The following NPIPB11 variants were observed in gnomAD, a reference collection of about 807,000 sequenced individuals.
NPIPB11 encodes the protein nuclear pore complex interacting protein family member B11, also known as nuclear pore complex-interacting protein family member B11.
In NPIPB11, 17 loss-of-function variants were observed where a neutral mutation model predicts 32.8. That is an observed-to-expected ratio of 0.52 (90% confidence interval 0.35 to 0.78). NPIPB11 has a LOEUF of 0.78. Among genes scored for constraint, NPIPB11 ranks in the 30% least tolerant of loss-of-function variants. The pLI is 0.01. For synonymous variants in NPIPB11, 209 were observed against 398.4 expected (o/e 0.52, Z 5.66); for missense variants, 537 against 1,000.4 (o/e 0.54, Z 6.25).
chr16:29,402,977 T>G (rs921462496), intron 2 of NPIPB11, among the ~76,000 whole-genome samples: 1 of 150,326 alleles, frequency 6.7e-6, no homozygotes, highest in Non-Finnish European at 1.5e-5. Flanking sequence ...TTCAAAATTA[T>G]AGAACATATA....
chr16:29,404,690 C>T (rs1366712831), upstream of NPIPB11, among the ~76,000 whole-genome samples: 2 of 151,718 alleles, frequency 1.3e-5, no homozygotes, highest in East Asian at 1.9e-4. Context: ...TCTCAGTGCT[C>T]ACCTAAGGGC....
At chr16:29,399,906 G>C (rs561862213) in intron 2 of NPIPB11, among the ~76,000 whole-genome samples, 3 of 151,646 alleles carry the variant, frequency 2.0e-5, no homozygotes, top group South Asian at 4.2e-4. Context: ...GTGAAACCCC[G>C]TCTCTACTAA....
upstream of NPIPB11, among the ~76,000 whole-genome samples, chr16:29,405,131 C>T (rs1035500478): frequency 6.6e-6 from 1 of 151,676 alleles, no homozygotes; most frequent in African/African-American, 2.4e-5. Flanking sequence ...TCTTGGAAAC[C>T]TCTAACTGTG....
At chr16:29,405,429 C>T (rs1964092696), upstream of NPIPB11, among the ~76,000 whole-genome samples, 1 of 152,174 alleles carries the variant, frequency 6.6e-6, no homozygotes, top group South Asian at 2.1e-4. Flanking sequence ...ATGCAACTCA[C>T]ATTCTTATAC....
chr16:29,392,665 A>C (rs1420231864), intron 3 of NPIPB11, among the ~76,000 whole-genome samples: 1 of 150,762 alleles, frequency 6.6e-6, no homozygotes, highest in Admixed American at 6.6e-5. Flanking sequence ...AGCCGAGGTC[A>C]CACCATTATA....
intron 2 of NPIPB11, among the ~76,000 whole-genome samples, chr16:29,399,739 C>T: frequency 6.6e-6 from 1 of 151,510 alleles, no homozygotes; most frequent in East Asian, 2.0e-4. Flanking sequence ...ACAGGGTTAA[C>T]AAAACTATGG....
At chr16:29,402,011 A>T (rs935852599) in intron 2 of NPIPB11, among the ~76,000 whole-genome samples, 3 of 151,548 alleles carry the variant, frequency 2.0e-5, no homozygotes, top group African/African-American at 7.3e-5. Context: ...CTGCCGTCAG[A>T]ACATGAACTG....
upstream of NPIPB11, among the ~76,000 whole-genome samples, chr16:29,405,599 C>T (rs1964096936): frequency 6.6e-6 from 1 of 152,134 alleles, no homozygotes; most frequent in Non-Finnish European, 1.5e-5. Flanking sequence ...AGCACTCTGT[C>T]CAATGTCACA....
intron 2 of NPIPB11, among the ~76,000 whole-genome samples, chr16:29,397,881 T>A (rs1358920700): frequency 1.4e-5 from 1 of 72,544 alleles, no homozygotes; most frequent in Non-Finnish European, 2.4e-5. Context: ...AAGGATCCGG[T>A]TCAAATTAAG....
At chr16:29,397,502 A>T (rs1257430962) in intron 2 of NPIPB11, 1 of 1,456,032 alleles carries the variant, frequency 6.9e-7, no homozygotes, top group East Asian at 2.9e-5. Context: ...TGAGCTGTGT[A>T]ATTTCATGCC....
upstream of NPIPB11, among the ~76,000 whole-genome samples, chr16:29,404,638 G>C (rs1240663382): frequency 9.9e-5 from 15 of 150,814 alleles, no homozygotes; most frequent in Admixed American, 1.0e-3. Context: ...ATAGGTCCAA[G>C]ACTGGGTAGT....
Position 29,390,474 on chromosome 16 carries a change from G to A in NPIPB11, c.250-126C>T, listed in dbSNP as rs1963690454. The A allele has an allele frequency of 3.5e-5, 51 of 1,453,652 alleles. 1 individual carries two copies. The South Asian group carries it at 5.4e-4, about 15-fold the overall frequency. The allele number at this position is 1,453,652 out of a possible 1,614,324, so 90.0% of individuals were successfully genotyped here. ...GCAAGACCAGCCTGGCCAAGATGGT[G>A]AAACCCCATCTCTACTAAAAATACA... On this transcript the variant is annotated intron_variant, in intron 3 of 7. Transcript: ENST00000524087.
At chr16:29,396,179 TC>T (rs1963848280) in intron 2 of NPIPB11, among the ~76,000 whole-genome samples, 1 of 151,310 alleles carries the variant, frequency 6.6e-6, no homozygotes, top group Non-Finnish European at 1.5e-5. Context: ...TGAAAACATC[TC>T]AATTTTAAAT....
intron 5 of NPIPB11, among the ~76,000 whole-genome samples, chr16:29,389,084 A>G (rs1963640209): frequency 2.0e-5 from 3 of 151,526 alleles, no homozygotes; most frequent in South Asian, 4.2e-4. Flanking sequence ...AGTCCCAGCT[A>G]CTCAAGAGGC....
chr16:29,406,122 C>G (rs1345721619), upstream of NPIPB11, among the ~76,000 whole-genome samples: 2 of 152,268 alleles, frequency 1.3e-5, no homozygotes, highest in African/African-American at 2.4e-5. Context: ...TGGCTTAAAA[C>G]TAACTTTGGG....
intron 2 of NPIPB11, among the ~76,000 whole-genome samples, chr16:29,394,640 G>T (rs1222062809): frequency 2.0e-5 from 3 of 151,804 alleles, no homozygotes; most frequent in African/African-American, 2.4e-5. Context: ...TCACCATGTT[G>T]GCCAGTCTGG....
intron 2 of NPIPB11, among the ~76,000 whole-genome samples, chr16:29,400,951 C>T (rs889178317): frequency 6.6e-6 from 1 of 152,126 alleles, no homozygotes; most frequent in African/African-American, 2.4e-5. Context: ...TTGCCTCATG[C>T]TCCGGCAGGG....
chr16:29,381,469 G>T (rs1963484618), exon 8 of NPIPB11: 2 of 1,298,850 alleles, frequency 1.5e-6, no homozygotes, highest in South Asian at 1.3e-5. Flanking sequence ...CGCCTCTTGG[G>T]TTCGGGTGAT....
In NPIPB11 at chr16:29,382,258, A is replaced by G. The variant is rs528435095; in HGVS notation, c.2674T>C (p.Ser892Pro). The G allele has an allele frequency of 1.2e-4, 194 of 1,602,096 alleles. No individual in the cohort carries two copies. In the African/African-American group the frequency reaches 2.4e-3, roughly 20 times the overall value. The change falls in exon 8 of 8, where the codon TCA (serine) becomes CCA (proline). Residue 892 changes from serine to proline, a missense_variant. Coordinates refer to ENST00000524087, the Ensembl canonical transcript of NPIPB11. The stretch of plus-strand genomic sequence containing the variant: ...GGTGTCTTGAGATTATCATCCGCTG[A>G]GGGTGGAAGCGGAACCCACAGACGC...
Sources: gnomAD v4.1 joint callset for allele counts (sites outside exome capture counted in the v4.1 genomes callset) on GRCh38, gnomAD v4.1.1 for gene constraint, MANE v1.5 for transcripts, NCBI Gene and HGNC (gene_info 2026-07-23, HGNC 2026-07-21) for gene names.